The following SAMSN1 variants were observed in gnomAD, a reference collection of about 807,000 sequenced individuals.
SAMSN1 encodes SAM domain-containing protein SAMSN-1.
SAMSN1 carries 31 observed loss-of-function variants against 42.0 expected under a neutral mutation model. The observed-to-expected ratio is 0.74, with a 90% CI of 0.55 to 1.00. The LOEUF (loss-of-function observed/expected upper bound fraction) is 1.00. Among genes scored for constraint, SAMSN1 ranks in the 50% least tolerant of loss-of-function variants. The pLI is 0.00. For missense variants in SAMSN1, 464 were observed against 439.4 expected (o/e 1.06, Z -0.50); for synonymous variants, 178 against 151.9 (o/e 1.17, Z -1.26).
intron 7 of SAMSN1, among the ~76,000 whole-genome samples, chr21:14,590,875 T>C (rs1459754772): frequency 6.6e-6 from 1 of 152,156 alleles, no homozygotes; most frequent in Non-Finnish European, 1.5e-5. Flanking sequence ...AAAAAGATAA[T>C]TTTTAAGGTC....
At chr21:14,623,722 T>A (rs1345237410) in intron 2 of SAMSN1, among the ~76,000 whole-genome samples, 2 of 151,986 alleles carry the variant, frequency 1.3e-5, no homozygotes, top group African/African-American at 4.8e-5. Flanking sequence ...ATCAACAAGA[T>A]GGAAAGTTCA....
At chr21:14,655,519 T>A (rs2822818) in intron 1 of SAMSN1, among the ~76,000 whole-genome samples, 14,016 of 151,868 alleles carry the variant, frequency 0.092, 752 homozygotes, top group Admixed American at 0.19. Flanking sequence ...AATGTAAGAA[T>A]GCTTCAATAT....
At chr21:14,584,414 A>C (rs1283467940), upstream of SAMSN1, among the ~76,000 whole-genome samples, 2 of 152,226 alleles carry the variant, frequency 1.3e-5, no homozygotes, top group African/African-American at 4.8e-5. Context: ...CAAAATATGG[A>C]CAAAATATAA....
At chr21:14,536,259 G>A (rs1353420422) in intron 1 of SAMSN1, among the ~76,000 whole-genome samples, 3 of 152,174 alleles carry the variant, frequency 2.0e-5, no homozygotes, top group African/African-American at 7.2e-5. Flanking sequence ...CAGTTTTCAG[G>A]GATTTTGAAA....
At chr21:14,583,323 T>C (rs759359217) in exon 1 of SAMSN1, 2 of 212,456 alleles carry the variant, frequency 9.4e-6, no homozygotes, top group East Asian at 2.5e-4. Context: ...GACATACCAA[T>C]TTGTTATGCT....
intron 2 of SAMSN1, among the ~76,000 whole-genome samples, chr21:14,517,643 A>T (rs553781612): frequency 8.6e-4 from 131 of 152,318 alleles, no homozygotes; most frequent in African/African-American, 3.1e-3. Context: ...ATTAGTACAG[A>T]AATCTTCATG....
chr21:14,597,086 T>C (rs1395159705), intron 6 of SAMSN1, among the ~76,000 whole-genome samples: 3 of 152,016 alleles, frequency 2.0e-5, no homozygotes, highest in Non-Finnish European at 4.4e-5. Context: ...ATAAAGACTA[T>C]CATTTGGTTG....
rs991163598 is a variant in SAMSN1 at position 14,577,048 on chromosome 21, C to CTTTTTTTT, written c.261+5080_261+5087dup. Among the ~76,000 whole-genome samples the CTTTTTTTT allele has an allele frequency of 6.8e-3, 371 of 54,906 alleles. 18 individuals are homozygous for CTTTTTTTT. The highest frequency in any genetic ancestry group is 0.014 in the East Asian group (21 of 1,470). The allele number at this position is 54,906 out of a possible 152,430, so 36.0% of individuals were successfully genotyped here. On this transcript the variant is annotated intron_variant, in intron 2 of 8. Coordinates refer to the SAMSN1 transcript ENST00000285670. ...GTTTATGTCTAGATTGCATCCGTTT[C>CTTTTTTTT]TTTTTTTTTTTTTTTTTTTTTTTTT...
chr21:14,618,713 T>C (rs1006888989), intron 2 of SAMSN1, among the ~76,000 whole-genome samples: 40 of 151,960 alleles, frequency 2.6e-4, no homozygotes, highest in African/African-American at 8.9e-4. Flanking sequence ...CACGCGCGTG[T>C]GTGTGTGTGT....
At chr21:14,604,127 A>G (rs1313617472) in intron 5 of SAMSN1, among the ~76,000 whole-genome samples, 3 of 152,164 alleles carry the variant, frequency 2.0e-5, no homozygotes, top group Non-Finnish European at 4.4e-5. Context: ...GTTTTTGTTT[A>G]TTTATGATTC....
At position 14,623,805 on chromosome 21, in the gene SAMSN1, C is replaced by T. The variant is rs892452148; in HGVS notation, c.157-7789G>A. Among the ~76,000 whole-genome samples the T allele has an allele frequency of 5.3e-5, 8 of 152,166 alleles. No homozygotes were observed. In the East Asian group the frequency reaches 7.7e-4, roughly 15 times the overall value. Reference sequence around the variant, plus strand: ...TAGACATCTACAGAACTCTCCACCCCAATTCAACAGAATATACATTCTTTT... The same window carrying T: ...TAGACATCTACAGAACTCTCCACCCTAATTCAACAGAATATACATTCTTTT... On this transcript the variant is annotated intron_variant, in intron 2 of 15. Transcript: ENST00000647101.
At chr21:14,574,304 C>T (rs1043396015) in intron 2 of SAMSN1, among the ~76,000 whole-genome samples, 6 of 152,114 alleles carry the variant, frequency 3.9e-5, no homozygotes, top group African/African-American at 1.4e-4. Flanking sequence ...TATCATGGAT[C>T]TTATTTCATG....
At chr21:14,583,755 G>T, upstream of SAMSN1, 1 of 717,688 alleles carries the variant, frequency 1.4e-6, no homozygotes, top group East Asian at 2.7e-5. Flanking sequence ...GATTCCACAG[G>T]GTCACTGCCT....
chr21:14,486,893 G>A (rs1010363458), intron 7 of SAMSN1, among the ~76,000 whole-genome samples: 1 of 152,024 alleles, frequency 6.6e-6, no homozygotes, highest in East Asian at 1.9e-4. Context: ...TTACTATTAG[G>A]GATATAACAA....
intron 2 of SAMSN1, among the ~76,000 whole-genome samples, chr21:14,627,118 G>T (rs1036808769): frequency 1.3e-5 from 2 of 152,066 alleles, no homozygotes; most frequent in Non-Finnish European, 2.9e-5. Context: ...CACACACTGG[G>T]GCCTGTCATG....
chr21:14,632,600 G>A (rs938381328), intron 2 of SAMSN1, among the ~76,000 whole-genome samples: 6 of 152,060 alleles, frequency 3.9e-5, no homozygotes, highest in South Asian at 4.2e-4. Flanking sequence ...AGTAAATTGT[G>A]CAACAAATTA....
At chr21:14,587,859 C>T (rs1043610945), upstream of SAMSN1, among the ~76,000 whole-genome samples, 1 of 151,000 alleles carries the variant, frequency 6.6e-6, no homozygotes, top group South Asian at 2.1e-4. Flanking sequence ...TGCTGGTGCG[C>T]TGCATTAGGT....
At chr21:14,530,939 T>G (rs1432095152) in intron 1 of SAMSN1, among the ~76,000 whole-genome samples, 1 of 152,232 alleles carries the variant, frequency 6.6e-6, no homozygotes, top group East Asian at 1.9e-4. Flanking sequence ...TCCATAAGTT[T>G]GGAAATTAAC....
chr21:14,528,026 A>C, intron 1 of SAMSN1, among the ~76,000 whole-genome samples: 1 of 152,262 alleles, frequency 6.6e-6, no homozygotes, highest in East Asian at 1.9e-4. Context: ...AAATTAAATA[A>C]TACTGTTACA....
Sources: gnomAD v4.1 joint callset for allele counts (sites outside exome capture counted in the v4.1 genomes callset) on GRCh38, gnomAD v4.1.1 for gene constraint, MANE v1.5 for transcripts, NCBI Gene and HGNC (gene_info 2026-07-23, HGNC 2026-07-21) for gene names.